The following UST variants were observed in gnomAD, a reference collection of about 807,000 sequenced individuals.
UST encodes the protein chondroitin sulfate 2-O-sulfotransferase.
In UST, 21 loss-of-function variants were observed where a neutral mutation model predicts 45.6. The observed-to-expected ratio is 0.46, with a 90% CI of 0.33 to 0.66. The LOEUF (loss-of-function observed/expected upper bound fraction) is 0.66, where lower values mean the gene tolerates loss of function less well. UST is among the 30% of genes least tolerant of loss of function. The probability of loss-of-function intolerance (pLI) is 0.02; values close to 1 mark genes in which losing one functional copy is unlikely to be tolerated. For missense variants in UST, 463 were observed against 512.4 expected (o/e 0.90, Z 0.93); for synonymous variants, 215 against 200.6 (o/e 1.07, Z -0.61).
Position 148,786,230 on chromosome 6 carries a change from C to T in UST, c.247+38553C>T, listed in dbSNP as rs115931606. 1.7e-3 allele frequency among the ~76,000 whole-genome samples: 253 copies of T among 151,684 alleles called. 1 individual carries two copies. Among genetic ancestry groups the T allele is most frequent in the African/African-American group, 5.9e-3 (245 of 41,322 alleles). On this transcript the variant is annotated intron_variant, in intron 1 of 7. Coordinates refer to ENST00000367463, the MANE Select transcript of UST (RefSeq NM_005715.3). ...TACTATTATTTCTTTTTTTAAATTTCCAGCTTTTATTTTAAGTTCAGGGGT... is the reference window on the plus strand; with the variant it reads ...TACTATTATTTCTTTTTTTAAATTTTCAGCTTTTATTTTAAGTTCAGGGGT...
rs369072133 is a variant in UST, at chr6:148,896,715, C to T, written c.291+9686C>T. 1.3e-4 allele frequency among the ~76,000 whole-genome samples: 20 copies of T among 152,270 alleles called. No homozygotes were observed. The South Asian group carries it at 3.9e-3, about 30-fold the overall frequency. ...ATATATCCAGTATGTCCAATGCACT[C>T]ACCCACCCCTTAGGCTGAAAACATG... On this transcript the variant is annotated intron_variant, in intron 2 of 7. Coordinates refer to ENST00000367463, the MANE Select transcript of UST (RefSeq NM_005715.3).
At chr6:148,897,631 A>G (rs1779162122) in intron 2 of UST, among the ~76,000 whole-genome samples, 1 of 151,842 alleles carries the variant, frequency 6.6e-6, no homozygotes, top group Admixed American at 6.6e-5. Context: ...AGCTAGGATT[A>G]CAGGTGTGTG....
intron 3 of UST, among the ~76,000 whole-genome samples, chr6:148,942,649 C>T (rs1780151186): frequency 1.3e-5 from 2 of 152,114 alleles, no homozygotes; most frequent in Admixed American, 1.3e-4. Flanking sequence ...AGCTTTGAAA[C>T]ATTCAGAACC....
intron 1 of UST, among the ~76,000 whole-genome samples, chr6:148,826,707 A>G (rs558759094): frequency 6.6e-6 from 1 of 152,202 alleles, no homozygotes; most frequent in Non-Finnish European, 1.5e-5. Context: ...TCCACATACC[A>G]TGGGCTAAAA....
Position 148,914,410 on chromosome 6 carries a change from G to A in UST, c.292-26869G>A, listed in dbSNP as rs145203309. 1.5e-4 allele frequency among the ~76,000 whole-genome samples: 22 copies of A among 151,004 alleles called. No homozygotes were observed. In the East Asian group the frequency reaches 4.1e-3, roughly 28 times the overall value. On this transcript the variant is annotated intron_variant, in intron 2 of 7. Coordinates refer to ENST00000367463, the MANE Select transcript of UST (RefSeq NM_005715.3). ...TTCCATAGATTGGGGGGTGGGTGGG[G>A]AGGATGGTTTCAGGATGAAACTGTT...
chr6:148,844,478 T>G (rs773662688), intron 1 of UST, among the ~76,000 whole-genome samples: 12 of 152,222 alleles, frequency 7.9e-5, no homozygotes, highest in Non-Finnish European at 1.3e-4. Context: ...GTTTTGATAA[T>G]ACACACATCT....
intron 5 of UST, among the ~76,000 whole-genome samples, chr6:148,979,796 T>C (rs1421695333): frequency 6.6e-6 from 1 of 152,182 alleles, no homozygotes; most frequent in Non-Finnish European, 1.5e-5. Context: ...GGAAACTAAG[T>C]TGGAGTGAGG....
intron 1 of UST, among the ~76,000 whole-genome samples, chr6:148,860,519 C>T (rs1163792404): frequency 2.0e-5 from 3 of 152,198 alleles, no homozygotes; most frequent in Non-Finnish European, 4.4e-5. Context: ...CTGGCCAGAG[C>T]TTCCAACACT....
At chr6:148,933,697 G>A (rs1562304734) in intron 2 of UST, among the ~76,000 whole-genome samples, 1 of 152,224 alleles carries the variant, frequency 6.6e-6, no homozygotes, top group Non-Finnish European at 1.5e-5. Flanking sequence ...AAACAGATGT[G>A]TGTGGCTCAG....
At chr6:148,776,690 C>G (rs1161729710) in intron 1 of UST, among the ~76,000 whole-genome samples, 1 of 152,196 alleles carries the variant, frequency 6.6e-6, no homozygotes. Flanking sequence ...CCATCATACC[C>G]TCCCCTTTTT....
chr6:148,773,317 C>T (rs189828882), intron 1 of UST, among the ~76,000 whole-genome samples: 125 of 152,132 alleles, frequency 8.2e-4, no homozygotes, highest in Non-Finnish European at 1.5e-3. Context: ...AAAAATTAGC[C>T]GGCTGTGGTG....
intron 1 of UST, among the ~76,000 whole-genome samples, chr6:148,785,955 AG>A (rs1321741222): frequency 6.6e-6 from 1 of 152,234 alleles, no homozygotes; most frequent in Non-Finnish European, 1.5e-5. Context: ...GGGTATTTTG[AG>A]GGGTAGAAAA....
At chr6:149,032,867 GTGTGTTTC>G (rs1776176599) in intron 7 of UST, among the ~76,000 whole-genome samples, 1 of 152,186 alleles carries the variant, frequency 6.6e-6, no homozygotes, top group Non-Finnish European at 1.5e-5. Context: ...GGAGGTACCA[GTGTGTTTC>G]TGTGTTTGGA....
intron 1 of UST, among the ~76,000 whole-genome samples, chr6:148,862,152 A>C (rs539535626): frequency 6.6e-6 from 1 of 152,144 alleles, no homozygotes; most frequent in South Asian, 2.1e-4. Flanking sequence ...GTGGGTCTCT[A>C]AGGACTTGCT....
At chr6:148,802,096 A>T (rs1460687038) in intron 1 of UST, among the ~76,000 whole-genome samples, 1 of 152,224 alleles carries the variant, frequency 6.6e-6, no homozygotes, top group African/African-American at 2.4e-5. Flanking sequence ...CATGTTGTTG[A>T]CATCCTGCCC....
chr6:148,798,972 C>T (rs929714810), intron 1 of UST, among the ~76,000 whole-genome samples: 2 of 152,088 alleles, frequency 1.3e-5, no homozygotes, highest in Non-Finnish European at 1.5e-5. Context: ...CGGGTTCAAG[C>T]GATTCTCCTG....
intron 1 of UST, among the ~76,000 whole-genome samples, chr6:148,758,538 T>C (rs1776140837): frequency 6.6e-6 from 1 of 152,196 alleles, no homozygotes; most frequent in South Asian, 2.1e-4. Context: ...ATGCCAGGCA[T>C]ACACTGTGCC....
At chr6:148,767,621 G>A (rs2114668085) in intron 1 of UST, among the ~76,000 whole-genome samples, 1 of 152,140 alleles carries the variant, frequency 6.6e-6, no homozygotes, top group South Asian at 2.1e-4. Flanking sequence ...AAAATAATTG[G>A]ATGCACATAG....
chr6:148,868,143 T>A (rs1394294337), intron 1 of UST, among the ~76,000 whole-genome samples: 1 of 151,554 alleles, frequency 6.6e-6, no homozygotes, highest in Non-Finnish European at 1.5e-5. Context: ...TCTGATGAGC[T>A]TCTGCTCCCT....
Sources: gnomAD v4.1 joint callset for allele counts (sites outside exome capture counted in the v4.1 genomes callset) on GRCh38, gnomAD v4.1.1 for gene constraint, MANE v1.5 for transcripts, NCBI Gene and HGNC (gene_info 2026-07-23, HGNC 2026-07-21) for gene names.